The following CDH4 variants were observed in gnomAD, a reference collection of about 807,000 sequenced individuals.
CDH4 encodes the protein cadherin-4.
A neutral mutation model predicts 86.0 loss-of-function variants in CDH4; 33 were observed. That is an observed-to-expected ratio of 0.38 (90% CI 0.29 to 0.51). The LOEUF is 0.51. CDH4 is among the 20% of genes least tolerant of loss of function. The pLI is 0.86. For missense variants in CDH4, 1,114 were observed against 1,307.4 expected (o/e 0.85, Z 2.28); for synonymous variants, 555 against 549.4 (o/e 1.01, Z -0.14).
chr20:61,797,088 C>A (rs897179238), intron 4 of CDH4, among the ~76,000 whole-genome samples: 7 of 151,182 alleles, frequency 4.6e-5, no homozygotes, highest in Non-Finnish European at 5.9e-5. Flanking sequence ...GAAGAGCCCC[C>A]CCCCCCCCAA....
At chr20:61,592,688 T>G (rs2086526522) in intron 2 of CDH4, among the ~76,000 whole-genome samples, 1 of 152,176 alleles carries the variant, frequency 6.6e-6, no homozygotes, top group Non-Finnish European at 1.5e-5. Context: ...GTCTGTGGAT[T>G]TGCCTTTTCG....
chr20:61,492,037 A>T, intron 2 of CDH4, among the ~76,000 whole-genome samples: 1 of 145,964 alleles, frequency 6.9e-6, no homozygotes, highest in East Asian at 2.1e-4. Flanking sequence ...GGTGGTGTTG[A>T]TGTTGGTGGT....
In CDH4 at chr20:61,254,998, T is replaced by G; in HGVS notation, c.169+61T>G. ...TGCCATGCTTTTCCTTGGGGAAACA[T>G]GTAGATGGGAGAGGCAAGGCTTGCC... On this transcript the variant is annotated intron_variant, in intron 2 of 15. Transcript: ENST00000614565. The G allele has an allele frequency of 1.0e-6, 1 of 971,998 alleles. No individual in the cohort carries two copies. Among genetic ancestry groups the G allele is most frequent in the Non-Finnish European group, 1.7e-6 (1 of 595,674 alleles). 60.2% of individuals were successfully genotyped at this position (971,998 alleles called of 1,614,324 possible).
intron 2 of CDH4, among the ~76,000 whole-genome samples, chr20:61,531,408 G>A (rs764968245): frequency 1.3e-5 from 2 of 149,328 alleles, no homozygotes; most frequent in African/African-American, 2.5e-5. Flanking sequence ...GGGAGGCAGA[G>A]GTTGCAGTGA....
intron 4 of CDH4, among the ~76,000 whole-genome samples, chr20:61,816,305 A>C (rs1222632144): frequency 1.3e-5 from 2 of 152,228 alleles, no homozygotes; most frequent in African/African-American, 4.8e-5. Flanking sequence ...GAGTTTTCTC[A>C]AATCGCTCCC....
At chr20:61,650,672 G>T (rs1422764687) in intron 2 of CDH4, among the ~76,000 whole-genome samples, 1 of 152,140 alleles carries the variant, frequency 6.6e-6, no homozygotes, top group Non-Finnish European at 1.5e-5. Flanking sequence ...CAGCATAGAT[G>T]ATCCACCCAT....
At chr20:61,331,151 G>A (rs567019611) in intron 2 of CDH4, among the ~76,000 whole-genome samples, 12 of 152,180 alleles carry the variant, frequency 7.9e-5, no homozygotes, top group Middle Eastern at 6.8e-3. Context: ...GGGGCTCGGC[G>A]TCTCTGTCCC....
rs181362289 is a variant in CDH4 at position 61,705,736 on chromosome 20, G to A, written c.170-37827G>A. Among the ~76,000 whole-genome samples the A allele has an allele frequency of 1.2e-4, 18 of 152,342 alleles. No individual in the cohort carries two copies. The South Asian group carries it at 2.3e-3, about 19-fold the overall frequency. On this transcript the variant is annotated intron_variant, in intron 2 of 15. Transcript: ENST00000614565. ...AAGCTGGCAGCTGGCTTCCTCTCAC[G>A]ACAGCTTTGAGTGTGAGCCCAGTGA... is the stretch of plus-strand genomic sequence containing the variant.
intron 2 of CDH4, among the ~76,000 whole-genome samples, chr20:61,450,275 C>T (rs2085372644): frequency 6.6e-6 from 1 of 152,306 alleles, no homozygotes; most frequent in South Asian, 2.1e-4. Flanking sequence ...AACTTCTGGA[C>T]AGTTGAGACT....
At chr20:61,353,597 A>C (rs2123304811) in intron 2 of CDH4, among the ~76,000 whole-genome samples, 2 of 4,984 alleles carry the variant, frequency 4.0e-4, no homozygotes, top group African/African-American at 8.8e-4. Context: ...AATTCAGGTT[A>C]ATTCCACTTC....
intron 2 of CDH4, among the ~76,000 whole-genome samples, chr20:61,448,715 TATG>T (rs1470654841): frequency 6.6e-6 from 1 of 152,202 alleles, no homozygotes. Flanking sequence ...TAAGCCTTGT[TATG>T]ATGAACTTTT....
intron 2 of CDH4, among the ~76,000 whole-genome samples, chr20:61,287,165 G>A (rs1469340547): frequency 6.6e-6 from 1 of 152,202 alleles, no homozygotes; most frequent in African/African-American, 2.4e-5. Context: ...TTGTCATGTG[G>A]TGAAGTGAGG....
chr20:61,505,725 C>CG (rs970108926), intron 2 of CDH4, among the ~76,000 whole-genome samples: 6 of 145,524 alleles, frequency 4.1e-5, no homozygotes, highest in Non-Finnish European at 6.3e-5. Flanking sequence ...TGCAAGTTGG[C>CG]GGGAAAAAAG....
intron 13 of CDH4, among the ~76,000 whole-genome samples, chr20:61,932,247 C>T (rs1465425667): frequency 1.3e-5 from 2 of 152,178 alleles, no homozygotes; most frequent in Non-Finnish European, 2.9e-5. Flanking sequence ...CGTCCCCAGG[C>T]GGTGAGAGGC....
At chr20:61,368,041 T>C (rs2084820480) in intron 2 of CDH4, among the ~76,000 whole-genome samples, 1 of 151,986 alleles carries the variant, frequency 6.6e-6, no homozygotes, top group South Asian at 2.1e-4. Context: ...AGGCTAACTT[T>C]TGTATTTTTA....
chr20:61,934,631 G>T (rs992347387), intron 15 of CDH4, among the ~76,000 whole-genome samples: 1 of 152,174 alleles, frequency 6.6e-6, no homozygotes, highest in Admixed American at 6.5e-5. Context: ...GCCCACTGCC[G>T]CTGTGAATGG....
At chr20:61,721,864 C>T (rs963025270) in intron 2 of CDH4, among the ~76,000 whole-genome samples, 7 of 152,152 alleles carry the variant, frequency 4.6e-5, no homozygotes, top group South Asian at 2.1e-4. Flanking sequence ...CTGCAGGACC[C>T]GGCCCGCTGT....
intron 7 of CDH4, among the ~76,000 whole-genome samples, chr20:61,884,365 G>C (rs922081608): frequency 6.6e-6 from 1 of 152,256 alleles, no homozygotes; most frequent in African/African-American, 2.4e-5. Context: ...TAAGGGGCCG[G>C]GTCCCTGGTT....
chr20:61,609,384 C>A (rs531040803), intron 2 of CDH4, among the ~76,000 whole-genome samples: 36 of 152,200 alleles, frequency 2.4e-4, no homozygotes, highest in Non-Finnish European at 4.3e-4. Context: ...GCACTGGCCT[C>A]GTGCAATGCA....
Sources: allele counts gnomAD v4.1 joint callset (sites outside exome capture counted in the v4.1 genomes callset), GRCh38; gene constraint gnomAD v4.1.1; transcripts MANE v1.5; gene names NCBI Gene and HGNC (gene_info 2026-07-23, HGNC 2026-07-21).